FGF13: variants seen among roughly 807,000 people sequenced by gnomAD.
The protein encoded by FGF13 is fibroblast growth factor 13.
FGF13 carries 2 observed loss-of-function variants against 19.5 expected under a neutral mutation model. The observed-to-expected ratio is 0.10, with a 90% CI of 0.04 to 0.32. The LOEUF is 0.32. Among genes scored for constraint, FGF13 ranks in the 10% least tolerant of loss-of-function variants. FGF13 has a pLI of 1.00. For synonymous variants in FGF13, 72 were observed against 76.9 expected (o/e 0.94, Z 0.33); for missense variants, 113 against 192.7 (o/e 0.59, Z 2.45).
At chrX:139,185,777 T>A (rs2084278072) in intron 1 of FGF13, among the ~76,000 whole-genome samples, 1 of 112,070 alleles carries the variant, frequency 8.9e-6, no homozygotes, top group East Asian at 2.8e-4. Context: ...GTTAATAATA[T>A]CACCCCAAAA....
intron 3 of FGF13, among the ~76,000 whole-genome samples, chrX:138,808,117 C>A (rs1202096950): frequency 8.9e-6 from 1 of 111,846 alleles, no homozygotes; most frequent in African/African-American, 3.3e-5. Context: ...GAACTCTCCA[C>A]CCCAAATCAA....
chrX:139,203,510 G>C (rs866266023), exon 1 of FGF13: 29 of 87,523 alleles, frequency 3.3e-4, no homozygotes, highest in Non-Finnish European at 5.1e-4. Context: ...CGGGTGGCGG[G>C]GGGGGGGAAG....
chrX:139,077,143 G>A (rs776581455), intron 1 of FGF13, among the ~76,000 whole-genome samples: 4 of 111,657 alleles, frequency 3.6e-5, no homozygotes, highest in African/African-American at 9.8e-5. Context: ...CACAGCTTCC[G>A]TTCAAGTGCA....
intron 3 of FGF13, among the ~76,000 whole-genome samples, chrX:138,844,242 T>A (rs894918786): frequency 2.7e-5 from 3 of 112,154 alleles, no homozygotes; most frequent in Non-Finnish European, 5.6e-5. Flanking sequence ...TAATTCTCAG[T>A]GATCCAATAT....
At chrX:138,979,581 A>T (rs1172949400) in intron 1 of FGF13, among the ~76,000 whole-genome samples, 1 of 109,925 alleles carries the variant, frequency 9.1e-6, no homozygotes, top group Non-Finnish European at 1.9e-5. Flanking sequence ...CCATTTGACA[A>T]AAGAGAGACA....
At chrX:138,911,100 A>G (rs1301744530) in intron 1 of FGF13, among the ~76,000 whole-genome samples, 3 of 111,480 alleles carry the variant, frequency 2.7e-5, no homozygotes, top group Non-Finnish European at 5.6e-5. Flanking sequence ...ACTAAATAGT[A>G]AAATGAACCC....
rs1022731240 is a variant in FGF13, at chrX:138,623,400, G to T, written c.*9450C>A. 9.0e-6 allele frequency: 1 copy of T among 110,694 alleles called. No homozygotes were observed. Among genetic ancestry groups the T allele is most frequent in the African/African-American group, 3.3e-5 (1 of 30,358 alleles). 9.1% of individuals were successfully genotyped at this position (110,694 alleles called of 1,213,427 possible). A position where few individuals can be genotyped will look rare whatever the true frequency, so the allele number is the denominator to read the frequency against. On this transcript the variant is annotated 3_prime_UTR_variant, in exon 5 of 5. Transcript: ENST00000315930. Reference sequence around the variant, plus strand: ...TGGTATTAGTTTTTCCTCAAATGTTGGGTGGAATTCACCAATGTTGATACA... The same window carrying T: ...TGGTATTAGTTTTTCCTCAAATGTTTGGTGGAATTCACCAATGTTGATACA...
At chrX:139,007,402 G>A (rs1164473231) in intron 1 of FGF13, among the ~76,000 whole-genome samples, 2 of 110,602 alleles carry the variant, frequency 1.8e-5, no homozygotes, top group Non-Finnish European at 3.8e-5. Flanking sequence ...TAATAGCTGG[G>A]AGGCTTCAAT....
At chrX:139,031,620 T>A (rs1248794466) in intron 1 of FGF13, among the ~76,000 whole-genome samples, 1 of 110,016 alleles carries the variant, frequency 9.1e-6, no homozygotes, top group Non-Finnish European at 1.9e-5. Flanking sequence ...ATCTAAAATA[T>A]GTTCTGGGTT....
chrX:139,070,012 T>TA (rs1325253648), intron 1 of FGF13, among the ~76,000 whole-genome samples: 72 of 112,120 alleles, frequency 6.4e-4, no homozygotes, highest in African/African-American at 2.3e-3. Flanking sequence ...ACATAAGACC[T>TA]AAAACCATAA....
At chrX:139,143,850 T>C (rs1603219283) in intron 1 of FGF13, among the ~76,000 whole-genome samples, 2 of 111,665 alleles carry the variant, frequency 1.8e-5, no homozygotes, top group African/African-American at 6.5e-5. Context: ...TGGACCTACA[T>C]ACTAGCTGAT....
chrX:139,113,872 G>A (rs190982873), intron 1 of FGF13, among the ~76,000 whole-genome samples: 1 of 111,830 alleles, frequency 8.9e-6, no homozygotes, highest in Admixed American at 9.4e-5. Flanking sequence ...ATGACTAAGC[G>A]CCCTTCTGGC....
chrX:138,984,581 GAAGAAGA>G (rs2091981997), intron 1 of FGF13, among the ~76,000 whole-genome samples: 3 of 56,280 alleles, frequency 5.3e-5, no homozygotes, highest in African/African-American at 1.4e-4. Context: ...AGAAGAAGAA[GAAGAAGA>G]AGGAGGAGGA....
chrX:139,145,520 C>T (rs756292793), intron 1 of FGF13, among the ~76,000 whole-genome samples: 2 of 110,355 alleles, frequency 1.8e-5, no homozygotes, highest in African/African-American at 6.6e-5. Context: ...CGTCAACCTC[C>T]CTTTCTTCCC....
upstream of FGF13, chrX:138,739,381 T>C (rs760249036): frequency 2.5e-6 from 2 of 792,647 alleles, no homozygotes; most frequent in African/African-American, 4.2e-5. Flanking sequence ...TTCTCCAAGG[T>C]AATGGCCAGA....
At chrX:139,198,699 G>T (rs73574150) in intron 1 of FGF13, among the ~76,000 whole-genome samples, 29 of 110,964 alleles carry the variant, frequency 2.6e-4, no homozygotes, top group Admixed American at 9.6e-4. Context: ...TAAGAATCAA[G>T]AATTTATTTC....
At chrX:138,654,898 G>C (rs1437307734) in intron 3 of FGF13, among the ~76,000 whole-genome samples, 1 of 111,126 alleles carries the variant, frequency 9.0e-6, no homozygotes, top group African/African-American at 3.3e-5. Flanking sequence ...CCTCCAACTT[G>C]AAGAATTTAA....
intron 3 of FGF13, among the ~76,000 whole-genome samples, chrX:138,784,330 T>TAA (rs772828534): frequency 1.1e-5 from 1 of 91,981 alleles, no homozygotes. Context: ...AAAAAAAAAT[T>TAA]AAAAAAAAAA....
chrX:138,902,512 A>G (rs932112862), intron 1 of FGF13, among the ~76,000 whole-genome samples: 13 of 111,807 alleles, frequency 1.2e-4, no homozygotes, highest in Non-Finnish European at 2.3e-4. Flanking sequence ...CATTTTAACT[A>G]ATAATTTTAA....
Sources: gnomAD v4.1 joint callset for allele counts (sites outside exome capture counted in the v4.1 genomes callset) on GRCh38, gnomAD v4.1.1 for gene constraint, MANE v1.5 for transcripts, NCBI Gene and HGNC (gene_info 2026-07-23, HGNC 2026-07-21) for gene names.